The following PDE4D variants were observed in gnomAD, a reference collection of about 807,000 sequenced individuals.
PDE4D encodes the protein 3',5'-cyclic-AMP phosphodiesterase 4D.
PDE4D carries 24 observed loss-of-function variants against 87.4 expected under a neutral mutation model. The observed-to-expected ratio is 0.27, with a 90% CI of 0.20 to 0.39. The LOEUF is 0.39. PDE4D is among the 10% of genes least tolerant of loss of function. The pLI, the probability that PDE4D is intolerant of heterozygous loss-of-function variation, is 1.00. For missense variants in PDE4D, 714 were observed against 1,041.0 expected, an observed-to-expected ratio of 0.69 and a Z score of 4.32; for synonymous variants, 384 against 383.2, an observed-to-expected ratio of 1.00 and a Z score of -0.02.
chr5:59,003,696 G>A (rs1047089471), intron 6 of PDE4D, among the ~76,000 whole-genome samples: 4 of 152,072 alleles, frequency 2.6e-5, no homozygotes, highest in Non-Finnish European at 5.9e-5. Context: ...TAAGGATTAC[G>A]GATAGAGGTT....
rs1323130205 is a variant in PDE4D, at chr5:59,785,397, A to G, written c.455+107771T>C. ...CATTGATTCACTAACTCATTCATACAGCTAACGTTTATTGAGCACCTACTA... is the reference window on the plus strand; with the variant it reads ...CATTGATTCACTAACTCATTCATACGGCTAACGTTTATTGAGCACCTACTA... On this transcript the variant is annotated intron_variant, in intron 1 of 14. Transcript: ENST00000340635. 1.6e-4 allele frequency among the ~76,000 whole-genome samples: 25 copies of G among 152,342 alleles called. 1 individual carries two copies. The highest frequency in any genetic ancestry group is 1.6e-3 in the Admixed American group (25 of 15,308).
intron 2 of PDE4D, among the ~76,000 whole-genome samples, chr5:59,998,637 TTTTTAG>T (rs1160035667): frequency 6.6e-6 from 1 of 152,112 alleles, no homozygotes. Context: ...AATCATCTCT[TTTTTAG>T]TTTTTTATTT....
At chr5:59,244,680 C>CTGTGTGTGTGTG (rs369829189) in intron 1 of PDE4D, among the ~76,000 whole-genome samples, 10 of 120,052 alleles carry the variant, frequency 8.3e-5, no homozygotes, top group Non-Finnish European at 1.2e-4. Context: ...GTGTGTGTGT[C>CTGTGTGTGTGTG]TGTGTGTGTG....
At chr5:59,720,549 T>C (rs1755680791) in intron 1 of PDE4D, among the ~76,000 whole-genome samples, 1 of 152,190 alleles carries the variant, frequency 6.6e-6, no homozygotes. Flanking sequence ...TTTCTAAAGT[T>C]TCAAGATCAA....
chr5:59,027,098 C>T (rs1432351534), intron 6 of PDE4D, among the ~76,000 whole-genome samples: 1 of 152,036 alleles, frequency 6.6e-6, no homozygotes, highest in Non-Finnish European at 1.5e-5. Flanking sequence ...TCAGGTTTTC[C>T]TTGTTTTTGA....
intron 5 of PDE4D, among the ~76,000 whole-genome samples, chr5:59,058,351 A>C (rs999502925): frequency 2.0e-5 from 3 of 152,244 alleles, no homozygotes; most frequent in Non-Finnish European, 4.4e-5. Context: ...ACTGTTCTCC[A>C]TGCCCACCCA....
At chr5:59,597,288 G>A (rs559014819) in intron 1 of PDE4D, among the ~76,000 whole-genome samples, 1 of 152,220 alleles carries the variant, frequency 6.6e-6, no homozygotes, top group African/African-American at 2.4e-5. Context: ...GAATGAACTT[G>A]ACATTGAATT....
chr5:60,185,654 A>C, exon 2 of PDE4D: 104 of 1,150,262 alleles, frequency 9.0e-5, no homozygotes, highest in Non-Finnish European at 1.1e-4. Flanking sequence ...CAATGATCTC[A>C]CTGCACGTAT....
At chr5:59,833,200 G>A (rs531547672) in intron 1 of PDE4D, among the ~76,000 whole-genome samples, 3 of 152,152 alleles carry the variant, frequency 2.0e-5, no homozygotes, top group Non-Finnish European at 2.9e-5. Flanking sequence ...AGGAAACCAC[G>A]TGGCTCCGGT....
chr5:60,160,702 A>T, intron 2 of PDE4D: 1 of 335,732 alleles, frequency 3.0e-6, no homozygotes, highest in Non-Finnish European at 5.8e-6. Context: ...TTTGACTATC[A>T]TGGTTCTATG....
intron 1 of PDE4D, among the ~76,000 whole-genome samples, chr5:59,241,688 TTAAC>T (rs1205671727): frequency 6.6e-6 from 1 of 152,162 alleles, no homozygotes; most frequent in Non-Finnish European, 1.5e-5. Flanking sequence ...GTTATGTAGT[TTAAC>T]TAAATTTGAC....
intron 1 of PDE4D, among the ~76,000 whole-genome samples, chr5:60,223,563 C>T (rs979329553): frequency 6.6e-6 from 1 of 152,044 alleles, no homozygotes; most frequent in Non-Finnish European, 1.5e-5. Context: ...GACTGAATGG[C>T]CTGATGACTA....
intron 1 of PDE4D, among the ~76,000 whole-genome samples, chr5:59,236,703 C>T (rs1201997075): frequency 1.3e-5 from 2 of 152,002 alleles, no homozygotes. Context: ...GGTGTCCCTG[C>T]CCACATGCCC....
Position 59,831,439 on chromosome 5 carries a change from T to C in PDE4D, c.455+61729A>G, listed in dbSNP as rs150358932. Among the ~76,000 whole-genome samples the C allele has an allele frequency of 3.3e-3, 498 of 151,940 alleles. 5 individuals carry two copies. Among genetic ancestry groups the C allele is most frequent in the African/African-American group, 0.011 (465 of 41,462 alleles). The stretch of plus-strand genomic sequence containing the variant: ...AAGAATGGGTTATTTTTAATAATGA[T>C]AACAACAATGGTAGTTTGTAGTAAA... On this transcript the variant is annotated intron_variant, in intron 1 of 14. Transcript: ENST00000340635.
chr5:59,779,198 A>C (rs1764370106), intron 1 of PDE4D, among the ~76,000 whole-genome samples: 1 of 152,078 alleles, frequency 6.6e-6, no homozygotes, highest in African/African-American at 2.4e-5. Context: ...TTGGCTAGGC[A>C]TGCTTTTCAT....
At chr5:59,637,580 A>G (rs901786229) in intron 1 of PDE4D, among the ~76,000 whole-genome samples, 2 of 152,004 alleles carry the variant, frequency 1.3e-5, no homozygotes, top group Non-Finnish European at 2.9e-5. Context: ...AAAAAAAAAA[A>G]ATGAGTTCAT....
chr5:60,010,536 A>T (rs1300891218), intron 2 of PDE4D, among the ~76,000 whole-genome samples: 2 of 152,134 alleles, frequency 1.3e-5, no homozygotes, highest in Non-Finnish European at 2.9e-5. Flanking sequence ...CAGGGGTGGT[A>T]TGTGGTACTG....
At position 59,403,268 on chromosome 5, in the gene PDE4D, T is replaced by A. The variant is rs541059477; in HGVS notation, c.456-187300A>T. 7.2e-5 allele frequency among the ~76,000 whole-genome samples: 11 copies of A among 152,238 alleles called. No individual in the cohort carries two copies. In the East Asian group the frequency reaches 2.1e-3, roughly 29 times the overall value. On this transcript the variant is annotated intron_variant, in intron 1 of 14. Transcript: ENST00000340635. Reference sequence around the variant, plus strand: ...ATAATATCAGGGTAAACAGGGAATCTATTACTGCAAACATTTACCCTTTAA... The same window carrying A: ...ATAATATCAGGGTAAACAGGGAATCAATTACTGCAAACATTTACCCTTTAA...
chr5:59,559,405 T>C lies in PDE4D; in HGVS notation c.455+333763A>G, dbSNP rs565054392. 3.9e-5 allele frequency among the ~76,000 whole-genome samples: 6 copies of C among 152,342 alleles called. No individual in the cohort carries two copies. The South Asian group carries it at 1.2e-3, about 32-fold the overall frequency. ...TGGTATGTGGGATTCATTACAATGT[T>C]CTTCAAAATTATTTCATTTATTACA... On this transcript the variant is annotated intron_variant, in intron 1 of 14. Coordinates refer to ENST00000340635, the MANE Select transcript of PDE4D (RefSeq NM_001104631.2).
Sources: gnomAD v4.1 joint callset for allele counts (sites outside exome capture counted in the v4.1 genomes callset) on GRCh38, gnomAD v4.1.1 for gene constraint, MANE v1.5 for transcripts, NCBI Gene and HGNC (gene_info 2026-07-23, HGNC 2026-07-21) for gene names.